The following NTN4 variants were observed in gnomAD, a reference collection of about 807,000 sequenced individuals.
The protein encoded by NTN4 is netrin-4.
In NTN4, 32 loss-of-function variants were observed where a neutral mutation model predicts 73.6. That is an observed-to-expected ratio of 0.44 (90% CI 0.33 to 0.58). The LOEUF is 0.58. NTN4 is among the 20% of genes least tolerant of loss of function. NTN4 has a pLI of 0.04. For synonymous variants in NTN4, 258 were observed against 287.5 expected (o/e 0.90, Z 1.04); for missense variants, 654 against 798.3 (o/e 0.82, Z 2.18).
intron 5 of NTN4, among the ~76,000 whole-genome samples, chr12:95,685,827 A>C (rs1470091939): frequency 6.6e-6 from 1 of 152,340 alleles, no homozygotes; most frequent in Admixed American, 6.5e-5. Context: ...CAAAGCAGTT[A>C]GTGTGATGTC....
chr12:95,698,667 T>G (rs2078459608), intron 5 of NTN4, among the ~76,000 whole-genome samples: 1 of 152,034 alleles, frequency 6.6e-6, no homozygotes, highest in African/African-American at 2.4e-5. Flanking sequence ...CTGGGGAACA[T>G]AGTGAGACCC....
chr12:95,699,169 G>C (rs1301514312), intron 5 of NTN4, among the ~76,000 whole-genome samples: 1 of 152,098 alleles, frequency 6.6e-6, no homozygotes, highest in African/African-American at 2.4e-5. Context: ...TATAAAACAA[G>C]GATGTCTATG....
intron 5 of NTN4, among the ~76,000 whole-genome samples, chr12:95,689,076 C>A (rs906558902): frequency 1.3e-5 from 2 of 152,144 alleles, no homozygotes; most frequent in African/African-American, 2.4e-5. Context: ...ACCTTCCCCC[C>A]ACGCCCCTCC....
Position 95,786,864 on chromosome 12 carries a change from T to A in NTN4, c.585+75A>T. 4.2e-6 allele frequency: 5 copies of A among 1,193,524 alleles called. No individual in the cohort carries two copies. The Admixed American group carries it at 8.4e-5, about 20-fold the overall frequency. 73.9% of individuals were successfully genotyped at this position (1,193,524 alleles called of 1,614,324 possible). A position where few individuals can be genotyped will look rare whatever the true frequency, so the allele number is the denominator to read the frequency against. Reference sequence around the variant, plus strand: ...TCATGTTGCTACAAGTATAGCTTCATGCTTTAAAAAAAAATGCGGGCTGGT... The same window carrying A: ...TCATGTTGCTACAAGTATAGCTTCAAGCTTTAAAAAAAAATGCGGGCTGGT... On this transcript the variant is annotated intron_variant, in intron 2 of 9. Coordinates refer to ENST00000343702, the MANE Select transcript of NTN4 (RefSeq NM_021229.4).
At chr12:95,723,965 C>T (rs2078670568) in intron 3 of NTN4, among the ~76,000 whole-genome samples, 1 of 151,942 alleles carries the variant, frequency 6.6e-6, no homozygotes, top group South Asian at 2.1e-4. Context: ...CATGACCTTT[C>T]TTTTTACAAA....
intron 7 of NTN4, chr12:95,672,496 C>T (rs575227605): frequency 4.6e-6 from 7 of 1,536,034 alleles, no homozygotes; most frequent in African/African-American, 2.7e-5. Flanking sequence ...GAGAGCGACC[C>T]GGACCCTCTG....
intron 5 of NTN4, among the ~76,000 whole-genome samples, chr12:95,701,273 T>G (rs2078483104): frequency 6.6e-6 from 1 of 152,220 alleles, no homozygotes; most frequent in Non-Finnish European, 1.5e-5. Flanking sequence ...CAGTACACAG[T>G]GAGAATTACA....
chr12:95,666,508 T>G (rs987604128), intron 8 of NTN4, among the ~76,000 whole-genome samples: 1 of 152,202 alleles, frequency 6.6e-6, no homozygotes, highest in Non-Finnish European at 1.5e-5. Context: ...ATTAACTATA[T>G]TCTTATTTGT....
At position 95,757,833 on chromosome 12, in the gene NTN4, C is replaced by T. The variant is rs2078958206; in HGVS notation, c.586-19689G>A. On this transcript the variant is annotated intron_variant, in intron 2 of 9. Coordinates refer to ENST00000343702, the MANE Select transcript of NTN4 (RefSeq NM_021229.4). ...CAATTTATTAGAAAAAAGGAGATTA[C>T]AAAAACCTTTCTGGGTTTGGCTGGA... is the stretch of plus-strand genomic sequence containing the variant. Among the ~76,000 whole-genome samples, 3 of 150,792 alleles carry T rather than the reference C, an allele frequency of 2.0e-5. No individual in the cohort carries two copies. The South Asian group carries it at 6.3e-4, about 32-fold the overall frequency.
chr12:95,787,164 G>A lies in NTN4; in HGVS notation c.360C>T (p.Asp120=). ...GAGTGAAGTAGAATTCAGCTTCCAG[G>A]TCTAACTGGATCTTTTCTCTGTGCA... is the stretch of plus-strand genomic sequence containing the variant. ...EDVHREKIQL[D]LEAEFYFTHL... The change falls in exon 2 of 10, where the codon GAC becomes GAT. Residue 120 remains aspartate, a synonymous_variant. Coordinates refer to ENST00000343702, the MANE Select transcript of NTN4 (RefSeq NM_021229.4). 2 of 1,614,216 alleles carry A rather than the reference G, an allele frequency of 1.2e-6. No homozygotes were observed. The highest frequency in any genetic ancestry group is 1.1e-5 in the South Asian group (1 of 91,088).
chr12:95,753,157 C>T (rs2078922916), intron 2 of NTN4, among the ~76,000 whole-genome samples: 1 of 152,204 alleles, frequency 6.6e-6, no homozygotes, highest in South Asian at 2.1e-4. Flanking sequence ...GGCAGTTCCA[C>T]CAGGCCTAAT....
At chr12:95,724,005 C>T (rs887512574) in intron 3 of NTN4, among the ~76,000 whole-genome samples, 2 of 152,074 alleles carry the variant, frequency 1.3e-5, no homozygotes, top group Admixed American at 6.5e-5. Context: ...ATTTCTTACC[C>T]TTCACATGTT....
At position 95,789,398 on chromosome 12, in the gene NTN4, TC is replaced by T. The variant is rs1327421394; in HGVS notation, c.55+856del. Among the ~76,000 whole-genome samples, 2 of 151,864 alleles carry T rather than the reference TC, an allele frequency of 1.3e-5. No individual in the cohort carries two copies. The highest frequency in any genetic ancestry group is 2.4e-5 in the African/African-American group (1 of 41,332). ...ATGTCTGCAGACTCCCTCACATCTC[TC>T]CCCCTCACCTACAGGGCTGCGCTTA... On this transcript the variant is annotated intron_variant, in intron 1 of 9. Coordinates refer to ENST00000343702, the MANE Select transcript of NTN4 (RefSeq NM_021229.4). The surrounding 1 kb of genome is among the most constrained non-coding windows in gnomAD (Gnocchi z 4.0).
chr12:95,754,276 C>T (rs1269917991), intron 2 of NTN4, among the ~76,000 whole-genome samples: 2 of 151,736 alleles, frequency 1.3e-5, no homozygotes, highest in South Asian at 2.1e-4. Context: ...CCCCTTACCA[C>T]AAAATCTTCC....
At chr12:95,686,639 T>A (rs2078363058) in intron 5 of NTN4, among the ~76,000 whole-genome samples, 1 of 151,824 alleles carries the variant, frequency 6.6e-6, no homozygotes, top group Admixed American at 6.6e-5. Context: ...ACGCCTGTAG[T>A]CCCAGCTACT....
chr12:95,752,122 C>T (rs2078912799), intron 2 of NTN4, among the ~76,000 whole-genome samples: 1 of 152,140 alleles, frequency 6.6e-6, no homozygotes, highest in South Asian at 2.1e-4. Context: ...TCATTAAAAC[C>T]TAATTACCCT....
intron 3 of NTN4, among the ~76,000 whole-genome samples, chr12:95,723,929 T>C (rs763739564): frequency 1.3e-5 from 2 of 152,246 alleles, no homozygotes; most frequent in African/African-American, 4.8e-5. Context: ...CTTTGACTCA[T>C]GTTCGTTTTA....
At position 95,781,668 on chromosome 12, in the gene NTN4, A is replaced by C. The variant is rs1187211567; in HGVS notation, c.585+5271T>G. 6.6e-6 allele frequency among the ~76,000 whole-genome samples: 1 copy of C among 152,150 alleles called. No homozygotes were observed. Among genetic ancestry groups the C allele is most frequent in the East Asian group, 1.9e-4 (1 of 5,204 alleles). Reference sequence around the variant, plus strand: ...TCTCTCATCTTACCATGTCATTTCTATTTCTCCATTTGTTTATGTTCCCCA... The same window carrying C: ...TCTCTCATCTTACCATGTCATTTCTCTTTCTCCATTTGTTTATGTTCCCCA... On this transcript the variant is annotated intron_variant, in intron 2 of 9. Transcript: ENST00000343702. The surrounding 1 kb of genome is among the most constrained non-coding windows in gnomAD (Gnocchi z 4.1).
intron 3 of NTN4, 27 bp from the exon 4 acceptor site, chr12:95,713,365 T>G (rs2078580726): frequency 6.5e-7 from 1 of 1,542,444 alleles, no homozygotes; most frequent in African/African-American, 1.4e-5. Flanking sequence ...GTGAGAACTA[T>G]GAGCACACAT....
Sources: gnomAD v4.1 joint callset for allele counts (sites outside exome capture counted in the v4.1 genomes callset) on GRCh38, gnomAD v4.1.1 for gene constraint, Gnocchi (gnomAD v3.1) non-coding constraint, MANE v1.5 for transcripts, NCBI Gene and HGNC (gene_info 2026-07-23, HGNC 2026-07-21) for gene names.